The following CERS6 variants were observed in gnomAD, a reference collection of about 807,000 sequenced individuals.
CERS6 encodes ceramide synthase 6.
In CERS6, 26 loss-of-function variants were observed where a neutral mutation model predicts 56.8. That is an observed-to-expected ratio of 0.46 (90% confidence interval 0.34 to 0.63). The LOEUF (loss-of-function observed/expected upper bound fraction) is 0.63. Among genes scored for constraint, CERS6 ranks in the 30% least tolerant of loss-of-function variants. The pLI is 0.01. For synonymous variants in CERS6, 164 were observed against 173.3 expected, an observed-to-expected ratio of 0.95 and a Z score of 0.42; for missense variants, 415 against 467.5, an observed-to-expected ratio of 0.89 and a Z score of 1.04.
chr2:168,620,060 CACAT>C (rs201100249), intron 3 of CERS6, among the ~76,000 whole-genome samples: 11,449 of 75,006 alleles, frequency 0.15, 1,098 homozygotes, highest in Admixed American at 0.25. Context: ...CACACACACA[CACAT>C]ATTTATATAT....
At chr2:168,647,983 G>A (rs1385296172) in intron 4 of CERS6, among the ~76,000 whole-genome samples, 1 of 152,100 alleles carries the variant, frequency 6.6e-6, no homozygotes, top group African/African-American at 2.4e-5. Flanking sequence ...TTTTGTTGTT[G>A]TGTCTCTGCC....
intron 3 of CERS6, among the ~76,000 whole-genome samples, chr2:168,599,112 GT>G (rs1559014686): frequency 6.6e-6 from 1 of 152,144 alleles, no homozygotes; most frequent in African/African-American, 2.4e-5. Flanking sequence ...TGCCAACTCT[GT>G]TTTCAACATT....
intron 6 of CERS6, among the ~76,000 whole-genome samples, chr2:168,711,663 G>C (rs979243672): frequency 3.3e-5 from 5 of 150,896 alleles, no homozygotes; most frequent in African/African-American, 4.9e-5. Context: ...GAACCCAGGA[G>C]ACGGAGGTTG....
intron 3 of CERS6, among the ~76,000 whole-genome samples, chr2:168,569,207 G>T (rs145387572): frequency 6.6e-6 from 1 of 152,180 alleles, no homozygotes; most frequent in Non-Finnish European, 1.5e-5. Context: ...TATCCCTGGT[G>T]TGTCTTCCTC....
intron 1 of CERS6, among the ~76,000 whole-genome samples, chr2:168,480,127 A>G (rs1694152825): frequency 6.6e-6 from 1 of 152,196 alleles, no homozygotes; most frequent in African/African-American, 2.4e-5. Context: ...GGTAGCAGCG[A>G]CTGGGTTTTG....
intron 1 of CERS6, among the ~76,000 whole-genome samples, chr2:168,514,552 C>A (rs143612315): frequency 3.0e-4 from 46 of 152,322 alleles, no homozygotes; most frequent in African/African-American, 1.1e-3. Context: ...ATTGCAAATT[C>A]AAGTGGCTTT....
At chr2:168,699,477 T>C (rs1472950962) in intron 6 of CERS6, among the ~76,000 whole-genome samples, 1 of 152,232 alleles carries the variant, frequency 6.6e-6, no homozygotes, top group Non-Finnish European at 1.5e-5. Context: ...TCCAAATGCA[T>C]GCCTCAGACT....
chr2:168,718,985 T>C (rs567249405), intron 8 of CERS6, among the ~76,000 whole-genome samples: 17 of 152,234 alleles, frequency 1.1e-4, no homozygotes, highest in Non-Finnish European at 2.5e-4. Flanking sequence ...ATCTGTGTGA[T>C]TAGCCATCTA....
At chr2:168,647,738 C>T (rs1685240705) in intron 4 of CERS6, among the ~76,000 whole-genome samples, 2 of 152,082 alleles carry the variant, frequency 1.3e-5, no homozygotes, top group African/African-American at 4.8e-5. Flanking sequence ...TGAATATTAT[C>T]AGAAGCCTTT....
In CERS6 at chr2:168,475,699, T is replaced by C. The variant is rs113381735; in HGVS notation, c.170+19081T>C. Among the ~76,000 whole-genome samples, 1,468 of 152,330 alleles carry C rather than the reference T, an allele frequency of 9.6e-3. 15 individuals carry two copies. Among genetic ancestry groups the C allele is most frequent in the Non-Finnish European group, 0.015 (1,034 of 68,034 alleles). ...GTTAAGTTTACTAGAAGTAGCTAGT[T>C]TCTTAATAATATTTCTTGGTTTTAG... is the stretch of plus-strand genomic sequence containing the variant. On this transcript the variant is annotated intron_variant, in intron 1 of 9. Transcript: ENST00000305747.
chr2:168,668,840 T>C (rs1685834237), intron 4 of CERS6, among the ~76,000 whole-genome samples: 2 of 152,226 alleles, frequency 1.3e-5, no homozygotes, highest in Non-Finnish European at 2.9e-5. Flanking sequence ...TATTTTACTT[T>C]ATTGCTTCAG....
At chr2:168,513,377 C>CA (rs1473974417) in intron 1 of CERS6, among the ~76,000 whole-genome samples, 5 of 152,130 alleles carry the variant, frequency 3.3e-5, no homozygotes, top group Admixed American at 1.3e-4. Flanking sequence ...TCCAGGGTCC[C>CA]ATTCAGAATA....
chr2:168,676,176 A>G (rs1686054704), intron 4 of CERS6, among the ~76,000 whole-genome samples: 1 of 152,328 alleles, frequency 6.6e-6, no homozygotes, highest in East Asian at 1.9e-4. Context: ...ATGTATCTTA[A>G]TGTGTTTTCC....
intron 1 of CERS6, among the ~76,000 whole-genome samples, chr2:168,502,987 T>C (rs1298520635): frequency 6.6e-6 from 1 of 152,224 alleles, no homozygotes; most frequent in Non-Finnish European, 1.5e-5. Context: ...AAATCTCATC[T>C]TGAATTGTAA....
chr2:168,599,340 A>G (rs1683878188), intron 3 of CERS6, among the ~76,000 whole-genome samples: 1 of 152,262 alleles, frequency 6.6e-6, no homozygotes, highest in African/African-American at 2.4e-5. Context: ...TGAGGTGATT[A>G]TCCTAGAAAT....
chr2:168,586,382 A>AT lies in CERS6; in HGVS notation c.407+25070dup, dbSNP rs1294398004. Among the ~76,000 whole-genome samples the AT allele has an allele frequency of 5.0e-3, 745 of 148,384 alleles. 5 individuals are homozygous for AT. Among genetic ancestry groups the AT allele is most frequent in the African/African-American group, 0.016 (655 of 40,680 alleles). On this transcript the variant is annotated intron_variant, in intron 3 of 9. Transcript: ENST00000305747. ...AAAGCATTTGTATAAAATATGCCTC[A>AT]TTTTTTTTTTGGTGGAAGCCATGTT...
intron 1 of CERS6, among the ~76,000 whole-genome samples, chr2:168,507,889 A>G (rs913124598): frequency 1.3e-5 from 2 of 151,916 alleles, no homozygotes; most frequent in Non-Finnish European, 2.9e-5. Context: ...TTTCAGATTT[A>G]TAACCATTAG....
chr2:168,648,098 T>G (rs929853763), intron 4 of CERS6, among the ~76,000 whole-genome samples: 3 of 152,172 alleles, frequency 2.0e-5, no homozygotes, highest in African/African-American at 7.2e-5. Context: ...GTACCAACTC[T>G]TCTTTGTAAT....
intron 4 of CERS6, among the ~76,000 whole-genome samples, chr2:168,632,653 T>G (rs1422355566): frequency 6.6e-6 from 1 of 152,170 alleles, no homozygotes; most frequent in African/African-American, 2.4e-5. Context: ...AGTTTTCAGA[T>G]TTACTTATCT....
Sources: gnomAD v4.1 joint callset for allele counts (sites outside exome capture counted in the v4.1 genomes callset) on GRCh38, gnomAD v4.1.1 for gene constraint, MANE v1.5 for transcripts, NCBI Gene and HGNC (gene_info 2026-07-23, HGNC 2026-07-21) for gene names.